The following PAWR variants were observed in gnomAD, a reference collection of about 807,000 sequenced individuals.
PAWR encodes the protein PRKC apoptosis WT1 regulator protein.
PAWR carries 23 observed loss-of-function variants against 32.0 expected under a neutral mutation model. The ratio of observed to expected loss-of-function variants is 0.72; its 90% CI spans 0.52 to 1.02. The LOEUF is 1.02. Among genes scored for constraint, PAWR ranks in the 50% least tolerant of loss-of-function variants. The pLI is 0.00. For synonymous variants in PAWR, 226 were observed against 187.1 expected, an observed-to-expected ratio of 1.21 and a Z score of -1.70; for missense variants, 457 against 437.7, an observed-to-expected ratio of 1.04 and a Z score of -0.39.
chr12:79,650,714 T>TTA (rs373194545), intron 2 of PAWR, among the ~76,000 whole-genome samples: 2 of 113,074 alleles, frequency 1.8e-5, no homozygotes, highest in African/African-American at 6.9e-5. Flanking sequence ...TAAAGGTTAT[T>TTA]AAAAAAAAAA....
chr12:79,690,509 G>C (rs1284649572), intron 1 of PAWR, 118 bp from the exon 2 acceptor site: 1 of 463,434 alleles, frequency 2.2e-6, no homozygotes, highest in Non-Finnish European at 3.5e-6. Flanking sequence ...AGTCACTACC[G>C]GCCAGCAGCC....
intron 6 of PAWR, among the ~76,000 whole-genome samples, 178 bp from the exon 7 acceptor site, chr12:79,592,871 C>G (rs562952292): frequency 7.3e-4 from 111 of 152,174 alleles, no homozygotes; most frequent in Non-Finnish European, 1.0e-3. Context: ...TTACTTGACT[C>G]TTCGTTCTTA....
intron 4 of PAWR, among the ~76,000 whole-genome samples, chr12:79,601,151 A>G (rs1460278119): frequency 2.0e-5 from 3 of 150,734 alleles, no homozygotes; most frequent in Non-Finnish European, 4.4e-5. Flanking sequence ...TAAAGCATGG[A>G]GTGTAAACAT....
intron 2 of PAWR, among the ~76,000 whole-genome samples, chr12:79,660,080 C>T (rs1427394327): frequency 2.0e-5 from 3 of 152,252 alleles, no homozygotes; most frequent in Admixed American, 2.0e-4. Context: ...ATAAAACTAG[C>T]CATTAAAAAG....
chr12:79,618,958 A>G (rs1874874420), intron 3 of PAWR, among the ~76,000 whole-genome samples: 1 of 151,928 alleles, frequency 6.6e-6, no homozygotes. Flanking sequence ...CCAAGCTTTC[A>G]CTTTCTACAG....
chr12:79,599,017 G>A (rs2136677429), intron 4 of PAWR, among the ~76,000 whole-genome samples: 1 of 152,348 alleles, frequency 6.6e-6, no homozygotes, highest in South Asian at 2.1e-4. Context: ...TTACAGGCAT[G>A]AGCCACTGCG....
At chr12:79,622,158 C>T (rs531435212) in intron 2 of PAWR, among the ~76,000 whole-genome samples, 2 of 150,634 alleles carry the variant, frequency 1.3e-5, no homozygotes, top group Non-Finnish European at 3.0e-5. Context: ...GAGAAGAAAA[C>T]ACTGAAGCCA....
chr12:79,608,002 T>C (rs112589646), intron 4 of PAWR, among the ~76,000 whole-genome samples: 17,664 of 151,184 alleles, frequency 0.12, 1,113 homozygotes, highest in Middle Eastern at 0.16. Flanking sequence ...TGAGCCAAGA[T>C]TGTGCCAATG....
At chr12:79,676,781 T>C (rs1878191468) in intron 2 of PAWR, among the ~76,000 whole-genome samples, 1 of 152,172 alleles carries the variant, frequency 6.6e-6, no homozygotes, top group Admixed American at 6.5e-5. Context: ...CTAATTCTCA[T>C]CTTTGTACTA....
In PAWR at chr12:79,690,260, G is replaced by C. The variant is rs921648692; in HGVS notation, c.-16C>G. ...CGGTCGCCATATTCCCAAAGGGGCCGGTCGGGCTCTCACCTCAGGCCGCCC... is the reference window on the plus strand; with the variant it reads ...CGGTCGCCATATTCCCAAAGGGGCCCGTCGGGCTCTCACCTCAGGCCGCCC... On this transcript the variant is annotated 5_prime_UTR_variant, in exon 2 of 7. Coordinates refer to ENST00000328827, the MANE Select transcript of PAWR (RefSeq NM_002583.4). 1.7e-5 allele frequency: 26 copies of C among 1,487,140 alleles called. No homozygotes were observed. The highest frequency in any genetic ancestry group is 2.2e-5 in the Non-Finnish European group (25 of 1,123,198). The allele number at this position is 1,487,140 out of a possible 1,614,324, so 92.1% of individuals were successfully genotyped here.
At chr12:79,679,882 C>T (rs1878356888) in intron 2 of PAWR, among the ~76,000 whole-genome samples, 1 of 152,086 alleles carries the variant, frequency 6.6e-6, no homozygotes, top group South Asian at 2.1e-4. Flanking sequence ...CCTTTTCTAC[C>T]ACTATTGCCC....
In PAWR at chr12:79,610,817, T is replaced by C. The variant is rs543225248; in HGVS notation, c.683+2758A>G. On this transcript the variant is annotated intron_variant, in intron 4 of 6. Transcript: ENST00000328827. ...ACATTGAAAAAAAAAAACCCACAAATTGGTAACACTGATCCATCTTTACTA... is the reference window on the plus strand; with the variant it reads ...ACATTGAAAAAAAAAAACCCACAAACTGGTAACACTGATCCATCTTTACTA... Among the ~76,000 whole-genome samples the C allele has an allele frequency of 3.5e-5, 5 of 143,760 alleles. No homozygotes were observed. In the South Asian group the frequency reaches 8.9e-4, roughly 25 times the overall value. The allele number at this position is 143,760 out of a possible 152,430, so 94.3% of individuals were successfully genotyped here.
rs531939762 is a variant in PAWR, at chr12:79,687,593, C to T, written c.516+2136G>A. Among the ~76,000 whole-genome samples the T allele has an allele frequency of 5.9e-5, 9 of 151,966 alleles. No homozygotes were observed. The South Asian group carries it at 1.0e-3, about 18-fold the overall frequency. ...TCATCTTTTTACTTATTTTCATACC[C>T]GAAAAATTTGCAAAATATGTATGAC... On this transcript the variant is annotated intron_variant, in intron 2 of 6. Coordinates refer to ENST00000328827, the MANE Select transcript of PAWR (RefSeq NM_002583.4).
intron 2 of PAWR, among the ~76,000 whole-genome samples, chr12:79,658,726 T>C (rs1038260962): frequency 6.6e-6 from 1 of 152,058 alleles, no homozygotes; most frequent in African/African-American, 2.4e-5. Context: ...TGCAGTGGCA[T>C]GATCTCAGCT....
chr12:79,668,512 T>A (rs1401738192), intron 2 of PAWR: 2 of 152,240 alleles, frequency 1.3e-5, no homozygotes, highest in Non-Finnish European at 2.9e-5. Flanking sequence ...GACACAATTT[T>A]TCCATGGACC....
At chr12:79,599,460 T>A (rs942753518) in intron 4 of PAWR, among the ~76,000 whole-genome samples, 2 of 152,242 alleles carry the variant, frequency 1.3e-5, no homozygotes, top group Non-Finnish European at 2.9e-5. Context: ...AGCTTCAGTA[T>A]GTTTTTCTTA....
intron 2 of PAWR, among the ~76,000 whole-genome samples, chr12:79,635,862 C>G (rs1875937235): frequency 6.6e-6 from 1 of 152,104 alleles, no homozygotes; most frequent in African/African-American, 2.4e-5. Context: ...CCTGTTATTA[C>G]AAAACATGGT....
intron 2 of PAWR, among the ~76,000 whole-genome samples, chr12:79,650,387 C>T (rs4842318): frequency 0.5 from 76,385 of 152,024 alleles, 23,868 homozygotes; most frequent in Non-Finnish European, 0.68. Context: ...GTTTTTTATT[C>T]CCAATGGGTG....
chr12:79,683,534 G>C (rs548976098), intron 2 of PAWR, among the ~76,000 whole-genome samples: 7 of 151,766 alleles, frequency 4.6e-5, no homozygotes, highest in African/African-American at 1.4e-4. Context: ...TGGTAGAGAT[G>C]GTCCCCCCAG....
Sources: allele counts gnomAD v4.1 joint callset (sites outside exome capture counted in the v4.1 genomes callset), GRCh38; gene constraint gnomAD v4.1.1; transcripts MANE v1.5; gene names NCBI Gene and HGNC (gene_info 2026-07-23, HGNC 2026-07-21).